Variants in STAC observed in about 807,000 individuals in gnomAD.
The protein encoded by STAC is SH3 and cysteine-rich domain-containing protein.
Under a neutral mutation model 48.8 loss-of-function variants are expected in STAC, and 43 were observed. That is an observed-to-expected ratio of 0.88 (90% confidence interval 0.69 to 1.14). STAC has a LOEUF of 1.14. Ranked by LOEUF, STAC falls within the 50% of genes most tolerant of loss-of-function variation. STAC has a pLI of 0.00. For synonymous variants in STAC, 193 were observed against 179.5 expected (o/e 1.07, Z -0.60); for missense variants, 497 against 504.0 (o/e 0.99, Z 0.13).
At chr3:36,531,911 T>A (rs1425430488) in intron 10 of STAC, among the ~76,000 whole-genome samples, 1 of 152,214 alleles carries the variant, frequency 6.6e-6, no homozygotes, top group Non-Finnish European at 1.5e-5. Context: ...AATGATACAA[T>A]GGTAGTAAAA....
At chr3:36,495,883 C>G (rs1009331706) in intron 6 of STAC, among the ~76,000 whole-genome samples, 5 of 152,244 alleles carry the variant, frequency 3.3e-5, no homozygotes, top group Admixed American at 3.3e-4. Context: ...TAGCAAGTTT[C>G]AGGCCATTCC....
chr3:36,389,842 T>C (rs1382618564), intron 1 of STAC, among the ~76,000 whole-genome samples: 5 of 152,198 alleles, frequency 3.3e-5, no homozygotes, highest in South Asian at 2.1e-4. Flanking sequence ...CTCTGCAGCA[T>C]TGCCATTCAA....
At chr3:36,528,775 A>G in intron 9 of STAC, 28 bp downstream of exon 9, 1 of 1,601,050 alleles carries the variant, frequency 6.2e-7, no homozygotes, top group Non-Finnish European at 8.5e-7. Flanking sequence ...TTTAAAAAAA[A>G]AAGAGAAAAT....
At chr3:36,458,062 G>A (rs1483725896) in intron 2 of STAC, among the ~76,000 whole-genome samples, 2 of 152,170 alleles carry the variant, frequency 1.3e-5, no homozygotes, top group Admixed American at 6.5e-5. Flanking sequence ...GTAGAGCAAG[G>A]AGTGGGGAAC....
chr3:36,470,385 G>A (rs1001929927), intron 2 of STAC, among the ~76,000 whole-genome samples: 1 of 152,220 alleles, frequency 6.6e-6, no homozygotes, highest in Non-Finnish European at 1.5e-5. Flanking sequence ...AGCTGGTACT[G>A]GGGAGTATCT....
chr3:36,423,648 G>A (rs962672256), intron 1 of STAC, among the ~76,000 whole-genome samples: 8 of 152,046 alleles, frequency 5.3e-5, no homozygotes, highest in Non-Finnish European at 7.4e-5. Context: ...GAGACCTGAT[G>A]TGAGAAGACT....
Position 36,380,655 on chromosome 3 carries a change from G to A in STAC, c.12G>A (p.Pro4=), listed in dbSNP as rs201025890. 2.5e-6 allele frequency: 4 copies of A among 1,594,888 alleles called. No individual in the cohort carries two copies. The highest frequency in any genetic ancestry group is 2.6e-6 in the Non-Finnish European group (3 of 1,170,972). The change falls in exon 1 of 11, where the codon CCG becomes CCA. Residue 4 remains proline, a synonymous_variant. Transcript: ENST00000273183. The stretch of plus-strand genomic sequence containing the variant: ...CCCGCGCGGCCACGATGATCCCTCC[G>A]AGCAGCCCCCGCGAGGACGGCGTGG... MIP[P]SSPREDGVDG...
chr3:36,420,338 A>G (rs1700419971), intron 1 of STAC, among the ~76,000 whole-genome samples: 1 of 152,212 alleles, frequency 6.6e-6, no homozygotes, highest in African/African-American at 2.4e-5. Flanking sequence ...GCAAATTCAC[A>G]TAACCTGACT....
chr3:36,440,861 A>G (rs1269443281), intron 1 of STAC, among the ~76,000 whole-genome samples: 1 of 152,214 alleles, frequency 6.6e-6, no homozygotes, highest in Non-Finnish European at 1.5e-5. Context: ...TATATTGTGT[A>G]GGGGGAGTCT....
intron 1 of STAC, among the ~76,000 whole-genome samples, chr3:36,420,855 A>C (rs977505966): frequency 6.6e-6 from 1 of 152,212 alleles, no homozygotes; most frequent in African/African-American, 2.4e-5. Context: ...TTTGTAAACT[A>C]TATCTATACT....
intron 2 of STAC, among the ~76,000 whole-genome samples, chr3:36,473,616 G>A (rs1042437754): frequency 1.3e-5 from 2 of 152,148 alleles, no homozygotes; most frequent in Non-Finnish European, 2.9e-5. Context: ...ACCTAAGTTT[G>A]TTGATGCCTT....
At chr3:36,430,196 T>C (rs1018997227) in intron 1 of STAC, among the ~76,000 whole-genome samples, 2 of 152,228 alleles carry the variant, frequency 1.3e-5, no homozygotes, top group Admixed American at 1.3e-4. Context: ...AGCCTGTACC[T>C]GCATGTTGGA....
In STAC at chr3:36,443,554, T is replaced by C; in HGVS notation, c.302T>C (p.Leu101Pro). ...ACGTCCACACCCGCCAGGGCTGGTC[T>C]GCATCCAGGTGGCAAGGCTCATGCC... is the stretch of plus-strand genomic sequence containing the variant. ...SLTSTPARAGLHPGGKAHAFQ... is the reference protein window; with the variant it reads ...SLTSTPARAGPHPGGKAHAFQ... The change falls in exon 2 of 11, where the codon CTG becomes CCG. Residue 101 changes from leucine to proline, a missense_variant. Coordinates refer to ENST00000273183, the MANE Select transcript of STAC (RefSeq NM_003149.3). This position sits in a 1 kb window ranked among gnomAD's most constrained non-coding sequence, Gnocchi z 4.2. The C allele has an allele frequency of 6.2e-7, 1 of 1,614,212 alleles. No individual in the cohort carries two copies. Among genetic ancestry groups the C allele is most frequent in the Non-Finnish European group, 8.5e-7 (1 of 1,180,032 alleles).
chr3:36,392,825 G>A (rs1317801744), intron 1 of STAC, among the ~76,000 whole-genome samples: 1 of 152,098 alleles, frequency 6.6e-6, no homozygotes, highest in Non-Finnish European at 1.5e-5. Context: ...GCTGTTATCA[G>A]CAGTCACCTC....
Position 36,492,429 on chromosome 3 carries a change from C to G in STAC, c.688-722C>G, listed in dbSNP as rs534859843. ...ATTAACTATGGGGCCTCAAACAGAG[C>G]TACTGATTCTCTCCGGGCTTCAGAT... On this transcript the variant is annotated intron_variant, in intron 5 of 10. Coordinates refer to ENST00000273183, the MANE Select transcript of STAC (RefSeq NM_003149.3). Among the ~76,000 whole-genome samples the G allele has an allele frequency of 3.0e-4, 46 of 152,262 alleles. No individual in the cohort carries two copies. In the South Asian group the frequency reaches 6.8e-3, roughly 23 times the overall value.
At chr3:36,484,763 C>T (rs1236309552) in intron 3 of STAC, among the ~76,000 whole-genome samples, 1 of 152,176 alleles carries the variant, frequency 6.6e-6, no homozygotes, top group African/African-American at 2.4e-5. Flanking sequence ...ACCTTGTTTT[C>T]TGGATAGAGT....
At chr3:36,508,652 A>G (rs745422502) in intron 8 of STAC, among the ~76,000 whole-genome samples, 2 of 151,690 alleles carry the variant, frequency 1.3e-5, no homozygotes, top group African/African-American at 2.4e-5. Context: ...GGTGGCATTG[A>G]CCCCTTTACC....
At chr3:36,488,249 G>C (rs539472397) in intron 5 of STAC, among the ~76,000 whole-genome samples, 2 of 152,048 alleles carry the variant, frequency 1.3e-5, no homozygotes, top group African/African-American at 4.8e-5. Context: ...TTTTCATTAC[G>C]CATCTAGCCT....
At chr3:36,399,062 T>C (rs1408203633) in intron 1 of STAC, among the ~76,000 whole-genome samples, 1 of 152,186 alleles carries the variant, frequency 6.6e-6, no homozygotes, top group Non-Finnish European at 1.5e-5. Flanking sequence ...GCCCCTCCCT[T>C]AAGGAAATAT....
Sources: allele counts gnomAD v4.1 joint callset (sites outside exome capture counted in the v4.1 genomes callset), GRCh38; gene constraint gnomAD v4.1.1; non-coding constraint Gnocchi (gnomAD v3.1); transcripts MANE v1.5; gene names NCBI Gene and HGNC (gene_info 2026-07-23, HGNC 2026-07-21).